The following GRID2 variants were observed in gnomAD, a reference collection of about 807,000 sequenced individuals.
GRID2 encodes the protein glutamate receptor ionotropic, delta-2.
GRID2 carries 33 observed loss-of-function variants against 114.8 expected under a neutral mutation model. That is an observed-to-expected ratio of 0.29 (90% confidence interval 0.22 to 0.38). GRID2 has a LOEUF of 0.38. Ranked by LOEUF, GRID2 falls within the 10% of genes least tolerant of loss-of-function variation. The pLI is 1.00. For synonymous variants in GRID2, 505 were observed against 449.9 expected, an observed-to-expected ratio of 1.12 and a Z score of -1.55; for missense variants, 1,184 against 1,257.7, an observed-to-expected ratio of 0.94 and a Z score of 0.89.
In GRID2 at chr4:93,004,013, T is replaced by C. The variant is rs560220118; in HGVS notation, c.245-80982T>C. 2.5e-4 allele frequency among the ~76,000 whole-genome samples: 38 copies of C among 152,064 alleles called. No individual in the cohort carries two copies. The South Asian group carries it at 7.9e-3, about 32-fold the overall frequency. On this transcript the variant is annotated intron_variant, in intron 2 of 15. Transcript: ENST00000282020. ...ACAATACTTAGTGTGACTATTGATA[T>C]CTTTGCTAAGGAAACATAAGAAAAT...
downstream of GRID2, among the ~76,000 whole-genome samples, chr4:93,777,105 G>C (rs1228769441): frequency 6.6e-6 from 1 of 152,076 alleles, no homozygotes; most frequent in Non-Finnish European, 1.5e-5. Flanking sequence ...CCTTCAGGCT[G>C]CCCACCATGA....
At chr4:93,332,293 T>TGAGAGAGA (rs1182268164) in intron 8 of GRID2, among the ~76,000 whole-genome samples, 1,324 of 114,564 alleles carry the variant, frequency 0.012, 12 homozygotes, top group Middle Eastern at 0.027. Flanking sequence ...TGTGTGTGTG[T>TGAGAGAGA]GTGTGTGAGA....
At chr4:92,367,393 G>C (rs1352746532) in intron 1 of GRID2, among the ~76,000 whole-genome samples, 1 of 152,038 alleles carries the variant, frequency 6.6e-6, no homozygotes, top group Non-Finnish European at 1.5e-5. Context: ...ATGGTTTGGG[G>C]GTGGTCTGAT....
chr4:92,908,561 C>CAAAAAAAAAAAA (rs762037449), intron 2 of GRID2, among the ~76,000 whole-genome samples: 1 of 35,996 alleles, frequency 2.8e-5, no homozygotes, highest in African/African-American at 8.9e-5. Context: ...GACTCCATCT[C>CAAAAAAAAAAAA]AAAAAAAAAA....
chr4:92,464,266 A>T (rs74781919), intron 1 of GRID2, among the ~76,000 whole-genome samples: 6,444 of 152,146 alleles, frequency 0.042, 188 homozygotes, highest in Non-Finnish European at 0.059. Flanking sequence ...CCTTTCTCTT[A>T]GTAAAAACTC....
intron 14 of GRID2, among the ~76,000 whole-genome samples, chr4:93,700,725 TA>T (rs1727435118): frequency 6.6e-6 from 1 of 152,144 alleles, no homozygotes; most frequent in Admixed American, 6.6e-5. Flanking sequence ...AATGAGGCAT[TA>T]AGGCTGTTTT....
chr4:92,364,040 C>T (rs1307324969), intron 1 of GRID2, among the ~76,000 whole-genome samples: 3 of 151,758 alleles, frequency 2.0e-5, no homozygotes, highest in Non-Finnish European at 4.4e-5. Context: ...AGGCTGGTCT[C>T]GAACTCCTAG....
chr4:93,267,279 T>C (rs1413458488), intron 8 of GRID2, among the ~76,000 whole-genome samples: 1 of 152,124 alleles, frequency 6.6e-6, no homozygotes, highest in Non-Finnish European at 1.5e-5. Context: ...GCTGGTGCGC[T>C]GCACCCACTA....
chr4:92,670,343 A>C (rs1387601825), intron 2 of GRID2, among the ~76,000 whole-genome samples: 4 of 152,040 alleles, frequency 2.6e-5, no homozygotes, highest in East Asian at 1.9e-4. Context: ...CAGATTTGTT[A>C]TCATTTTTGG....
At chr4:93,099,264 G>A (rs866458752) in intron 3 of GRID2, among the ~76,000 whole-genome samples, 49 of 151,796 alleles carry the variant, frequency 3.2e-4, no homozygotes, top group Middle Eastern at 6.8e-3. Flanking sequence ...AACTATAATT[G>A]TTTTATTATA....
At chr4:93,619,655 G>C (rs978361114) in intron 13 of GRID2, among the ~76,000 whole-genome samples, 6 of 152,194 alleles carry the variant, frequency 3.9e-5, no homozygotes, top group African/African-American at 1.4e-4. Context: ...AATCAGAAAT[G>C]CTTAGAGAGC....
intron 2 of GRID2, among the ~76,000 whole-genome samples, chr4:92,591,164 G>A (rs1728692251): frequency 6.6e-6 from 1 of 152,056 alleles, no homozygotes; most frequent in Non-Finnish European, 1.5e-5. Context: ...TGTCCTCATG[G>A]ATAGGATTAG....
chr4:93,766,523 C>T (rs1476500040), intron 14 of GRID2, among the ~76,000 whole-genome samples: 3 of 152,220 alleles, frequency 2.0e-5, no homozygotes, highest in South Asian at 2.1e-4. Context: ...TGTGGGGACA[C>T]GGAGCCAAAC....
chr4:93,247,463 T>C (rs1001286997), intron 8 of GRID2, among the ~76,000 whole-genome samples: 1 of 151,980 alleles, frequency 6.6e-6, no homozygotes, highest in Non-Finnish European at 1.5e-5. Flanking sequence ...AGATGGGAAA[T>C]TCATGTTCTC....
intron 13 of GRID2, among the ~76,000 whole-genome samples, chr4:93,594,143 G>A (rs1239743121): frequency 2.6e-5 from 4 of 152,126 alleles, no homozygotes; most frequent in African/African-American, 7.2e-5. Context: ...GCTTTTTAGA[G>A]TTTCCAGTTT....
At chr4:92,844,739 T>G (rs563409815) in intron 2 of GRID2, among the ~76,000 whole-genome samples, 3 of 150,966 alleles carry the variant, frequency 2.0e-5, no homozygotes, top group East Asian at 1.9e-4. Flanking sequence ...AAAAAAAGAT[T>G]GAATTTGATG....
At position 93,448,794 on chromosome 4, in the gene GRID2, CCCTT is replaced by C. The variant is rs1231996613; in HGVS notation, c.1546-6865_1546-6862del. On this transcript the variant is annotated intron_variant, in intron 10 of 15. Transcript: ENST00000282020. ...AATTAGTAGTCTTGGCCCTCCCCTT[CCCTT>C]CCCTTCCCTTCCCTTCCCTTCCCTT... Among the ~76,000 whole-genome samples the C allele has an allele frequency of 9.5e-3, 55 of 5,798 alleles. 1 individual carries two copies. The highest frequency in any genetic ancestry group is 0.035 in the African/African-American group (53 of 1,508). The allele number at this position is 5,798 out of a possible 152,430, so 3.8% of individuals were successfully genotyped here.
intron 14 of GRID2, among the ~76,000 whole-genome samples, chr4:93,696,084 T>C (rs1212387834): frequency 6.6e-6 from 1 of 152,238 alleles, no homozygotes; most frequent in Non-Finnish European, 1.5e-5. Context: ...TTAAAGCTTA[T>C]GAAATTCTAT....
chr4:92,343,932 A>G (rs1172037985), intron 1 of GRID2, among the ~76,000 whole-genome samples: 1 of 152,204 alleles, frequency 6.6e-6, no homozygotes, highest in Non-Finnish European at 1.5e-5. Flanking sequence ...CATAAGGAAG[A>G]AAAAGTATAT....
Sources: allele counts gnomAD v4.1 joint callset (sites outside exome capture counted in the v4.1 genomes callset), GRCh38; gene constraint gnomAD v4.1.1; transcripts MANE v1.5; gene names NCBI Gene and HGNC (gene_info 2026-07-23, HGNC 2026-07-21).